The following TMCC3 variants were observed in gnomAD, a reference collection of about 807,000 sequenced individuals.
TMCC3 encodes the protein transmembrane and coiled-coil domain family 3.
A neutral mutation model predicts 40.2 loss-of-function variants in TMCC3; 28 were observed. That is an observed-to-expected ratio of 0.70 (90% CI 0.52 to 0.95). The LOEUF (loss-of-function observed/expected upper bound fraction) is 0.95. Among genes scored for constraint, TMCC3 ranks in the 40% least tolerant of loss-of-function variants. TMCC3 has a pLI of 0.00. For missense variants in TMCC3, 554 were observed against 615.2 expected (o/e 0.90, Z 1.05); for synonymous variants, 255 against 248.5 (o/e 1.03, Z -0.25).
intron 1 of TMCC3, among the ~76,000 whole-genome samples, chr12:94,584,948 C>G (rs1021442361): frequency 2.0e-5 from 3 of 152,022 alleles, no homozygotes; most frequent in Non-Finnish European, 1.5e-5. Context: ...AATCTAGTAT[C>G]TGTGGCTCAT....
intron 1 of TMCC3, among the ~76,000 whole-genome samples, chr12:94,639,164 C>T (rs79055746): frequency 0.012 from 1,770 of 152,314 alleles, 31 homozygotes; most frequent in African/African-American, 0.04. Context: ...GGAAATAATA[C>T]AGAGAGAAGC....
At position 94,650,445 on chromosome 12, in the gene TMCC3, C is replaced by A. The variant is rs1159496047; in HGVS notation, c.-15G>T. 7.8e-7 allele frequency: 1 copy of A among 1,281,872 alleles called. No individual in the cohort carries two copies. The highest frequency in any genetic ancestry group is 2.3e-5 in the South Asian group (1 of 43,820). The allele number at this position is 1,281,872 out of a possible 1,614,324, so 79.4% of individuals were successfully genotyped here. On this transcript the variant is annotated 5_prime_UTR_variant, in exon 1 of 4. Coordinates refer to ENST00000261226, the MANE Select transcript of TMCC3 (RefSeq NM_020698.4). Reference sequence around the variant, plus strand: ...CTGCCCGGCATCTCCGCGCTCCGGCCGCGAACTTTCCCGTCTTCTGGGGCT... The same window carrying A: ...CTGCCCGGCATCTCCGCGCTCCGGCAGCGAACTTTCCCGTCTTCTGGGGCT...
chr12:94,570,061 A>G lies in TMCC3; in HGVS notation c.*1374T>C, dbSNP rs1273561261. On this transcript the variant is annotated 3_prime_UTR_variant, in exon 4 of 4. Coordinates refer to ENST00000261226, the MANE Select transcript of TMCC3 (RefSeq NM_020698.4). ...TGAATGTTTTCAGCTCAGAGGCAGTATGGTCGTCCTAATACCTCAGGACTT... is the reference window on the plus strand; with the variant it reads ...TGAATGTTTTCAGCTCAGAGGCAGTGTGGTCGTCCTAATACCTCAGGACTT... 1 of 152,234 alleles carries G rather than the reference A, an allele frequency of 6.6e-6. No individual in the cohort carries two copies. The highest frequency in any genetic ancestry group is 1.9e-4 in the East Asian group (1 of 5,206). The allele number at this position is 152,234 out of a possible 1,614,324, so 9.4% of individuals were successfully genotyped here.
intron 1 of TMCC3, among the ~76,000 whole-genome samples, chr12:94,621,982 T>C (rs546423504): frequency 3.3e-5 from 5 of 152,148 alleles, no homozygotes; most frequent in Non-Finnish European, 7.4e-5. Context: ...AAATATACAA[T>C]TGTACATTTC....
intron 1 of TMCC3, among the ~76,000 whole-genome samples, chr12:94,588,949 G>A (rs375413913): frequency 7.9e-5 from 12 of 151,772 alleles, no homozygotes; most frequent in South Asian, 2.1e-4. Context: ...TCAGCCTCCC[G>A]AGTAGCTGGA....
At chr12:94,574,772 G>A (rs895001980) in intron 3 of TMCC3, among the ~76,000 whole-genome samples, 1 of 152,164 alleles carries the variant, frequency 6.6e-6, no homozygotes, top group Non-Finnish European at 1.5e-5. Flanking sequence ...TTGGGTCCAA[G>A]GTTTCCTCTA....
intron 1 of TMCC3, chr12:94,609,936 T>A (rs778461648): frequency 2.0e-5 from 3 of 152,020 alleles, no homozygotes; most frequent in Non-Finnish European, 2.9e-5. Flanking sequence ...TCCTCAGGGG[T>A]CCCTTTGGCC....
At chr12:94,627,190 C>G (rs748189785) in intron 1 of TMCC3, among the ~76,000 whole-genome samples, 3 of 152,084 alleles carry the variant, frequency 2.0e-5, no homozygotes, top group Non-Finnish European at 4.4e-5. Flanking sequence ...ATGGGTTAAG[C>G]AAACTGGCTA....
chr12:94,571,261 G>T lies in TMCC3; in HGVS notation c.*174C>A. On this transcript the variant is annotated 3_prime_UTR_variant, in exon 4 of 4. Transcript: ENST00000261226. ...CAGATTCGTGTTAACGAAGTACAAG[G>T]ACTGAGTTGGCAACTGCTACGGAGT... 1.5e-6 allele frequency: 1 copy of T among 669,740 alleles called. No homozygotes were observed. The highest frequency in any genetic ancestry group is 2.5e-6 in the Non-Finnish European group (1 of 401,290). 41.5% of individuals were successfully genotyped at this position (669,740 alleles called of 1,614,324 possible). A position where few individuals can be genotyped will look rare whatever the true frequency, so the allele number is the denominator to read the frequency against.
At chr12:94,606,713 G>A (rs1310752935) in intron 1 of TMCC3, among the ~76,000 whole-genome samples, 8 of 152,196 alleles carry the variant, frequency 5.3e-5, no homozygotes, top group South Asian at 2.1e-4. Context: ...TGATGACCCC[G>A]AGCTGCAAAA....
chr12:94,590,804 G>A (rs1240547810), intron 1 of TMCC3: 15 of 463,334 alleles, frequency 3.2e-5, no homozygotes, highest in East Asian at 1.1e-4. Context: ...GGCGGGAGAC[G>A]GCGCAGGGTC....
intron 1 of TMCC3, among the ~76,000 whole-genome samples, chr12:94,598,306 C>T (rs1344923718): frequency 6.6e-6 from 1 of 152,176 alleles, no homozygotes; most frequent in Non-Finnish European, 1.5e-5. Flanking sequence ...ATTTATCATA[C>T]ATATACCTGT....
intron 1 of TMCC3, among the ~76,000 whole-genome samples, chr12:94,641,025 C>A (rs140659047): frequency 7.2e-5 from 11 of 152,160 alleles, no homozygotes; most frequent in African/African-American, 2.2e-4. Flanking sequence ...CATGGTGAAA[C>A]CCTGTCTCTA....
intron 1 of TMCC3, among the ~76,000 whole-genome samples, chr12:94,601,808 C>CAAAAAAAAAAAAAAAAAAA (rs61372290): frequency 3.4e-4 from 26 of 76,710 alleles, no homozygotes; most frequent in East Asian, 1.0e-3. Context: ...GACCTGGTCT[C>CAAAAAAAAAAAAAAAAAAA]AAAAAAAAAA....
At chr12:94,607,123 T>G (rs1386727539) in intron 1 of TMCC3, among the ~76,000 whole-genome samples, 1 of 152,208 alleles carries the variant, frequency 6.6e-6, no homozygotes, top group Non-Finnish European at 1.5e-5. Flanking sequence ...AGCGATACCC[T>G]CTTACTTGCA....
chr12:94,578,278 A>G, intron 3 of TMCC3, 116 bp downstream of exon 3: 1 of 1,274,394 alleles, frequency 7.8e-7, no homozygotes. Flanking sequence ...CAGAGAAAAC[A>G]TTTTGTGCCA....
chr12:94,590,806 C>A, intron 1 of TMCC3: 1 of 472,308 alleles, frequency 2.1e-6, no homozygotes, highest in South Asian at 1.8e-5. Context: ...CGGGAGACGG[C>A]GCAGGGTCTG....
At chr12:94,645,258 T>G (rs2069011769) in intron 1 of TMCC3, among the ~76,000 whole-genome samples, 1 of 152,356 alleles carries the variant, frequency 6.6e-6, no homozygotes, top group South Asian at 2.1e-4. Flanking sequence ...GTCAATGTCA[T>G]GAGAAACATG....
intron 1 of TMCC3, among the ~76,000 whole-genome samples, chr12:94,583,202 C>CG (rs1361302987): frequency 2.0e-5 from 3 of 149,124 alleles, no homozygotes; most frequent in South Asian, 2.1e-4. Context: ...AAAAAAAGGC[C>CG]GGGGGGTGGG....
Sources: allele counts gnomAD v4.1 joint callset (sites outside exome capture counted in the v4.1 genomes callset), GRCh38; gene constraint gnomAD v4.1.1; transcripts MANE v1.5; gene names NCBI Gene and HGNC (gene_info 2026-07-23, HGNC 2026-07-21).